Variants in NAA11 observed in about 807,000 individuals in gnomAD.
The protein encoded by NAA11 is N-alpha-acetyltransferase 11, NatA catalytic subunit.
In NAA11, 15 loss-of-function variants were observed where a neutral mutation model predicts 16.1. That is an observed-to-expected ratio of 0.93 (90% confidence interval 0.62 to 1.44). The LOEUF is 1.44. Ranked by LOEUF, NAA11 falls within the 40% of genes most tolerant of loss-of-function variation. The pLI is 0.00. For missense variants in NAA11, 298 were observed against 291.3 expected (o/e 1.02, Z -0.17); for synonymous variants, 122 against 112.4 (o/e 1.09, Z -0.54).
intron 2 of NAA11, among the ~76,000 whole-genome samples, chr4:79,237,835 AT>A (rs1433776148): frequency 2.6e-5 from 4 of 152,212 alleles, no homozygotes; most frequent in African/African-American, 7.2e-5. Flanking sequence ...AGTTTATGTG[AT>A]CCCGTAATTT....
In NAA11 at chr4:79,290,609, G is replaced by A. The variant is rs1723058426; in HGVS notation, c.*122+3396C>T. The stretch of plus-strand genomic sequence containing the variant: ...GTTTGAAAACAGTAGGCCCTGGCAG[G>A]CACTCTCCCAGGCATTGCCCAGGAC... On this transcript the variant is annotated intron_variant and NMD_transcript_variant, in intron 2 of 2. Coordinates refer to the NAA11 transcript ENST00000511542. Among the ~76,000 whole-genome samples, 4 of 152,086 alleles carry A rather than the reference G, an allele frequency of 2.6e-5. No homozygotes were observed. In the South Asian group the frequency reaches 8.3e-4, roughly 32 times the overall value.
chr4:79,167,569 T>C, the NAA11 span, among the ~76,000 whole-genome samples: 1 of 151,944 alleles, frequency 6.6e-6, no homozygotes, highest in African/African-American at 2.4e-5. Flanking sequence ...TCCTAATATG[T>C]GGTAGCTATT....
intron 1 of NAA11, among the ~76,000 whole-genome samples, chr4:79,308,009 G>T (rs973220868): frequency 2.0e-5 from 3 of 152,070 alleles, no homozygotes; most frequent in Non-Finnish European, 4.4e-5. Context: ...AATTATATAT[G>T]GGAAACACCA....
the NAA11 span, among the ~76,000 whole-genome samples, chr4:79,198,290 T>C: frequency 1.3e-5 from 2 of 151,938 alleles, no homozygotes; most frequent in Non-Finnish European, 2.9e-5. Context: ...TTCTTATGTA[T>C]AACAGGATGG....
chr4:79,182,255 A>T, the NAA11 span, among the ~76,000 whole-genome samples: 9 of 152,200 alleles, frequency 5.9e-5, no homozygotes, highest in Non-Finnish European at 1.2e-4. Flanking sequence ...GTTTATCTTT[A>T]ACGTATTAAA....
the NAA11 span, among the ~76,000 whole-genome samples, chr4:79,218,734 G>T: frequency 6.6e-6 from 1 of 151,794 alleles, no homozygotes; most frequent in Non-Finnish European, 1.5e-5. Context: ...TTACAATTGA[G>T]GTGTAATTGA....
chr4:79,199,774 T>G, the NAA11 span, among the ~76,000 whole-genome samples: 2 of 151,888 alleles, frequency 1.3e-5, no homozygotes, highest in African/African-American at 4.8e-5. Context: ...ACGCCTTTTC[T>G]CCAAATCTTT....
intron 2 of NAA11, among the ~76,000 whole-genome samples, chr4:79,247,254 T>C (rs1721861747): frequency 6.6e-6 from 1 of 152,212 alleles, no homozygotes; most frequent in Non-Finnish European, 1.5e-5. Flanking sequence ...GGAAGCCATA[T>C]ACGAGAAAGG....
chr4:79,163,757 C>T, the NAA11 span, among the ~76,000 whole-genome samples: 1 of 152,128 alleles, frequency 6.6e-6, no homozygotes, highest in African/African-American at 2.4e-5. Context: ...CTCCTGAAGA[C>T]ACAATGAAAA....
intron 1 of NAA11, among the ~76,000 whole-genome samples, chr4:79,322,645 AATT>A (rs1300075344): frequency 6.6e-6 from 1 of 151,974 alleles, no homozygotes; most frequent in Non-Finnish European, 1.5e-5. Context: ...TGAAAGTTGA[AATT>A]TTTTTTAAAA....
chr4:79,243,931 A>C (rs1288891635), intron 2 of NAA11, among the ~76,000 whole-genome samples: 1 of 152,146 alleles, frequency 6.6e-6, no homozygotes. Context: ...GGCTTTCCGC[A>C]TGTGCAGGGT....
At chr4:79,218,108 A>G in the NAA11 span, among the ~76,000 whole-genome samples, 1 of 152,184 alleles carries the variant, frequency 6.6e-6, no homozygotes, top group Non-Finnish European at 1.5e-5. Flanking sequence ...CATAAATGAC[A>G]TAACTGAGGC....
intron 2 of NAA11, among the ~76,000 whole-genome samples, chr4:79,240,770 G>C (rs1247232703): frequency 1.3e-5 from 2 of 152,098 alleles, no homozygotes. Flanking sequence ...CTGGGCTGCT[G>C]TTACACAATG....
At chr4:79,230,328 G>A (rs1578152221) in intron 2 of NAA11, among the ~76,000 whole-genome samples, 1 of 151,904 alleles carries the variant, frequency 6.6e-6, no homozygotes, top group East Asian at 1.9e-4. Context: ...AATGCTAGAT[G>A]ACGAGTTAGT....
At chr4:79,282,314 A>T (rs1269923054) in intron 2 of NAA11, among the ~76,000 whole-genome samples, 2 of 152,112 alleles carry the variant, frequency 1.3e-5, no homozygotes, top group East Asian at 3.9e-4. Context: ...TAAATAGAAC[A>T]GTTACATAAT....
chr4:79,313,313 A>C (rs192463454), downstream of NAA11, among the ~76,000 whole-genome samples: 3 of 152,322 alleles, frequency 2.0e-5, no homozygotes, highest in East Asian at 1.9e-4. Flanking sequence ...AGTTATTTTT[A>C]TCTCTATTCT....
intron 2 of NAA11, among the ~76,000 whole-genome samples, chr4:79,266,365 C>T (rs1722345605): frequency 6.6e-6 from 1 of 152,168 alleles, no homozygotes; most frequent in South Asian, 2.1e-4. Context: ...AACAACAAAT[C>T]ACATAGAAAC....
the NAA11 span, among the ~76,000 whole-genome samples, chr4:79,180,944 G>T: frequency 6.6e-6 from 1 of 152,116 alleles, no homozygotes; most frequent in Non-Finnish European, 1.5e-5. Flanking sequence ...CATGGATGGA[G>T]CTGGAAACCA....
the NAA11 span, among the ~76,000 whole-genome samples, chr4:79,170,160 G>C: frequency 6.6e-6 from 1 of 152,144 alleles, no homozygotes; most frequent in African/African-American, 2.4e-5. Flanking sequence ...AGCTTCATGC[G>C]CATGGGATTT....
Sources: allele counts gnomAD v4.1 joint callset (sites outside exome capture counted in the v4.1 genomes callset), GRCh38; gene constraint gnomAD v4.1.1; transcripts MANE v1.5; gene names NCBI Gene and HGNC (gene_info 2026-07-23, HGNC 2026-07-21).